ZNF827: variants seen among roughly 807,000 people sequenced by gnomAD.
The protein encoded by ZNF827 is zinc finger protein 827.
In ZNF827, 13 loss-of-function variants were observed where a neutral mutation model predicts 102.4. The observed-to-expected ratio is 0.13, with a 90% CI of 0.08 to 0.20. ZNF827 has a LOEUF of 0.20. Ranked by LOEUF, ZNF827 falls within the 10% of genes least tolerant of loss-of-function variation. The probability of loss-of-function intolerance (pLI) is 1.00; values close to 1 mark genes in which losing one functional copy is unlikely to be tolerated. For synonymous variants in ZNF827, 523 were observed against 536.2 expected, an observed-to-expected ratio of 0.98 and a Z score of 0.34; for missense variants, 1,103 against 1,344.4, an observed-to-expected ratio of 0.82 and a Z score of 2.81.
Position 145,761,109 on chromosome 4 carries a change from G to C in ZNF827, c.*507C>G. The C allele has an allele frequency of 7.8e-7, 1 of 1,289,534 alleles. No individual in the cohort carries two copies. The highest frequency in any genetic ancestry group is 1.0e-6 in the Non-Finnish European group (1 of 988,694). The allele number at this position is 1,289,534 out of a possible 1,614,324, so 79.9% of individuals were successfully genotyped here. A position where few individuals can be genotyped will look rare whatever the true frequency, so the allele number is the denominator to read the frequency against. ...GAGACAGGAGATTCCGGGAGCTCCC[G>C]ACCACCAGGAGCGGGGCCCCCGGGC... is the stretch of plus-strand genomic sequence containing the variant. On this transcript the variant is annotated 3_prime_UTR_variant, in exon 15 of 15. Coordinates refer to ENST00000508784, the MANE Select transcript of ZNF827 (RefSeq NM_001306215.2). This position sits in a 1 kb window ranked among gnomAD's most constrained non-coding sequence, Gnocchi z 6.8.
At chr4:145,901,319 A>C (rs981641446) in intron 2 of ZNF827, among the ~76,000 whole-genome samples, 1 of 152,178 alleles carries the variant, frequency 6.6e-6, no homozygotes, top group Non-Finnish European at 1.5e-5. Context: ...TGTATTTATC[A>C]TGTACACAAT....
At chr4:145,773,712 G>A (rs900703098) in intron 11 of ZNF827, among the ~76,000 whole-genome samples, 2 of 152,168 alleles carry the variant, frequency 1.3e-5, no homozygotes, top group African/African-American at 2.4e-5. Flanking sequence ...AATAACAGGC[G>A]AGCACTGGTG....
intron 7 of ZNF827, among the ~76,000 whole-genome samples, chr4:145,826,465 T>TC (rs966267189): frequency 3.1e-4 from 47 of 152,028 alleles, no homozygotes; most frequent in African/African-American, 1.1e-3. Flanking sequence ...ATTATAGTAG[T>TC]CCCCCCTTAC....
At chr4:145,928,201 G>GT in intron 1 of ZNF827, among the ~76,000 whole-genome samples, 1 of 152,214 alleles carries the variant, frequency 6.6e-6, no homozygotes, top group Non-Finnish European at 1.5e-5. Flanking sequence ...ACATCCCAGA[G>GT]TGGGAGTTCT....
At chr4:145,856,897 A>C (rs1315392970) in intron 5 of ZNF827, among the ~76,000 whole-genome samples, 1 of 151,720 alleles carries the variant, frequency 6.6e-6, no homozygotes, top group East Asian at 2.0e-4. Flanking sequence ...AGCAGCCTAA[A>C]CATTAGAAGA....
At chr4:145,883,715 A>G (rs1749873653) in intron 4 of ZNF827, among the ~76,000 whole-genome samples, 1 of 152,166 alleles carries the variant, frequency 6.6e-6, no homozygotes, top group Non-Finnish European at 1.5e-5. Context: ...CCTTATTCAG[A>G]GTCATTCACC....
At chr4:145,861,031 G>A (rs1465856271) in intron 5 of ZNF827, among the ~76,000 whole-genome samples, 5 of 152,214 alleles carry the variant, frequency 3.3e-5, no homozygotes, top group African/African-American at 1.2e-4. Flanking sequence ...CCCTTGCCCA[G>A]TGGGTGACCC....
chr4:145,835,468 T>C (rs1472158339), intron 7 of ZNF827, among the ~76,000 whole-genome samples: 1 of 149,930 alleles, frequency 6.7e-6, no homozygotes, highest in Non-Finnish European at 1.5e-5. Flanking sequence ...TTTTAAGCAC[T>C]CCTTTTTAGT....
At position 145,902,374 on chromosome 4, in the gene ZNF827, G is replaced by A. The variant is rs762939305; in HGVS notation, c.885C>T (p.Ala295=). 27 of 1,612,040 alleles carry A rather than the reference G, an allele frequency of 1.7e-5. No homozygotes were observed. Among genetic ancestry groups the A allele is most frequent in the Middle Eastern group, 1.7e-4 (1 of 6,048 alleles). ...CCAGAAGACTGCCCGCAGCCCTTGCGGCCACCTCCTTCAGAAGGGCCGCTG... is the reference window on the plus strand; with the variant it reads ...CCAGAAGACTGCCCGCAGCCCTTGCAGCCACCTCCTTCAGAAGGGCCGCTG... The part of the protein sequence containing the change: ...TSSAALLKEV[A]ARAAGSLLAE... Residue 295 remains alanine, a synonymous_variant, in exon 2 of 15, where the codon GCC becomes GCT. Coordinates refer to ENST00000508784, the MANE Select transcript of ZNF827 (RefSeq NM_001306215.2). The surrounding 1 kb of genome is among the most constrained non-coding windows in gnomAD (Gnocchi z 4.3).
chr4:145,836,932 T>C (rs1014815080), intron 7 of ZNF827, among the ~76,000 whole-genome samples: 1 of 152,176 alleles, frequency 6.6e-6, no homozygotes, highest in Non-Finnish European at 1.5e-5. Flanking sequence ...TCCCTACACA[T>C]CAAGCTCGAG....
At chr4:145,818,483 T>C (rs1387695460) in intron 8 of ZNF827, among the ~76,000 whole-genome samples, 1 of 152,224 alleles carries the variant, frequency 6.6e-6, no homozygotes, top group East Asian at 1.9e-4. Context: ...GCTAGCTTCT[T>C]TCTCTGTACA....
At chr4:145,888,107 C>A (rs1168994781) in intron 3 of ZNF827, among the ~76,000 whole-genome samples, 1 of 152,182 alleles carries the variant, frequency 6.6e-6, no homozygotes, top group Non-Finnish European at 1.5e-5. Flanking sequence ...CAGATCCTGG[C>A]CTTGTTATAT....
At chr4:145,923,450 T>TAAA (rs70956881) in intron 1 of ZNF827, among the ~76,000 whole-genome samples, 11 of 130,802 alleles carry the variant, frequency 8.4e-5, no homozygotes, top group African/African-American at 2.1e-4. Flanking sequence ...ATTACAAATG[T>TAAA]AAAAAAAAAA....
At chr4:145,789,413 A>G (rs980258625) in intron 8 of ZNF827, among the ~76,000 whole-genome samples, 4 of 152,250 alleles carry the variant, frequency 2.6e-5, no homozygotes, top group Non-Finnish European at 5.9e-5. Flanking sequence ...GAGACAGTAC[A>G]TAATTAAAAC....
At chr4:145,805,312 T>C (rs993031817) in intron 8 of ZNF827, among the ~76,000 whole-genome samples, 2 of 152,206 alleles carry the variant, frequency 1.3e-5, no homozygotes, top group Non-Finnish European at 2.9e-5. Context: ...ACAAGTTTTG[T>C]AGACTTTTTC....
intron 7 of ZNF827, among the ~76,000 whole-genome samples, chr4:145,833,367 G>A (rs1292122588): frequency 6.6e-6 from 1 of 152,156 alleles, no homozygotes; most frequent in African/African-American, 2.4e-5. Flanking sequence ...TTCCCTTGGT[G>A]TTTAATCATT....
At position 145,802,693 on chromosome 4, in the gene ZNF827, C is replaced by T. The variant is rs568582067; in HGVS notation, c.2383+20729G>A. Among the ~76,000 whole-genome samples, 5 of 152,364 alleles carry T rather than the reference C, an allele frequency of 3.3e-5. No homozygotes were observed. In the South Asian group the frequency reaches 1.0e-3, roughly 32 times the overall value. ...GTGAAATAAGTTGGGCGCAGTGGCT[C>T]ACGCCTGTAATCCCAGCACCCTGGG... On this transcript the variant is annotated intron_variant, in intron 8 of 14. Transcript: ENST00000508784.
At chr4:145,890,060 C>A (rs1245878389) in intron 3 of ZNF827, among the ~76,000 whole-genome samples, 1 of 151,460 alleles carries the variant, frequency 6.6e-6, no homozygotes, top group African/African-American at 2.4e-5. Flanking sequence ...ACCCATAAGA[C>A]TACAACCATT....
At chr4:145,925,635 C>T (rs2126977346) in intron 1 of ZNF827, among the ~76,000 whole-genome samples, 1 of 152,314 alleles carries the variant, frequency 6.6e-6, no homozygotes, top group African/African-American at 2.4e-5. Context: ...TGTCACTGCT[C>T]TAACATGACA....
Sources: gnomAD v4.1 joint callset for allele counts (sites outside exome capture counted in the v4.1 genomes callset) on GRCh38, gnomAD v4.1.1 for gene constraint, Gnocchi (gnomAD v3.1) non-coding constraint, MANE v1.5 for transcripts, NCBI Gene and HGNC (gene_info 2026-07-23, HGNC 2026-07-21) for gene names.